Variants in TYW1 observed in about 807,000 individuals in gnomAD.
TYW1 encodes the protein S-adenosyl-L-methionine-dependent tRNA 4-demethylwyosine synthase TYW1.
A neutral mutation model predicts 96.2 loss-of-function variants in TYW1; 46 were observed. The observed-to-expected ratio is 0.48, with a 90% confidence interval of 0.38 to 0.61. TYW1 has a LOEUF of 0.61. Ranked by LOEUF, TYW1 falls within the 20% of genes least tolerant of loss-of-function variation. The pLI is 0.00. For synonymous variants in TYW1, 274 were observed against 323.0 expected, an observed-to-expected ratio of 0.85 and a Z score of 1.63; for missense variants, 684 against 909.6, an observed-to-expected ratio of 0.75 and a Z score of 3.19.
rs114867026 is a variant in TYW1 at position 67,009,526 on chromosome 7, G to A, written c.274-57G>A. 819 of 1,497,024 alleles carry A rather than the reference G, an allele frequency of 5.5e-4. 4 individuals carry two copies. The African/African-American group carries it at 0.01, about 19-fold the overall frequency. The allele number at this position is 1,497,024 out of a possible 1,614,324, so 92.7% of individuals were successfully genotyped here. A position where few individuals can be genotyped will look rare whatever the true frequency, so the allele number is the denominator to read the frequency against. On this transcript the variant is annotated intron_variant, in intron 3 of 15. Transcript: ENST00000359626. ...ACATTCTTGTGCCAACAGGGGTAAT[G>A]AGGGTTATATTTGGCTCATTGAAGA...
intron 7 of TYW1, among the ~76,000 whole-genome samples, chr7:67,034,668 A>G (rs772562409): frequency 5.1e-4 from 78 of 152,238 alleles, no homozygotes; most frequent in Non-Finnish European, 8.5e-4. Flanking sequence ...TGGTCCTGTC[A>G]TATTAGATGA....
chr7:67,058,203 A>G (rs1321146338), intron 9 of TYW1, among the ~76,000 whole-genome samples: 7 of 152,130 alleles, frequency 4.6e-5, no homozygotes, highest in Admixed American at 4.6e-4. Context: ...CAAAGTGCTG[A>G]GGTTACAGGC....
At chr7:67,077,625 G>A (rs1365038507) in intron 10 of TYW1, among the ~76,000 whole-genome samples, 2 of 152,002 alleles carry the variant, frequency 1.3e-5, no homozygotes, top group Non-Finnish European at 2.9e-5. Flanking sequence ...TGAATTTTTT[G>A]TATATTCTGG....
chr7:67,170,395 AT>A (rs1799480417), intron 13 of TYW1, among the ~76,000 whole-genome samples: 1 of 152,130 alleles, frequency 6.6e-6, no homozygotes, highest in South Asian at 2.1e-4. Context: ...TTTTCAAATT[AT>A]TTTGGGTCTT....
At chr7:67,185,128 T>G (rs1584668853) in intron 14 of TYW1, among the ~76,000 whole-genome samples, 1 of 152,146 alleles carries the variant, frequency 6.6e-6, no homozygotes, top group South Asian at 2.1e-4. Flanking sequence ...GTGGCTGAGG[T>G]TGGCAGCGGC....
chr7:67,160,725 A>G (rs58189821), intron 13 of TYW1, among the ~76,000 whole-genome samples: 40,245 of 147,878 alleles, frequency 0.27, 5,998 homozygotes, highest in African/African-American at 0.39. Flanking sequence ...CTGTGTAGCT[A>G]GGATTATAGG....
At chr7:67,180,454 A>G (rs1484877863) in intron 13 of TYW1, among the ~76,000 whole-genome samples, 2 of 144,474 alleles carry the variant, frequency 1.4e-5, no homozygotes, top group African/African-American at 2.5e-5. Context: ...GCCTAATCTC[A>G]TTTTTAGTTG....
chr7:67,207,137 A>G (rs1800827419), intron 15 of TYW1, among the ~76,000 whole-genome samples: 1 of 152,232 alleles, frequency 6.6e-6, no homozygotes. Context: ...TACTTCTGTC[A>G]GATCTGTATG....
chr7:67,135,930 C>G (rs1481127837), intron 13 of TYW1, among the ~76,000 whole-genome samples: 2 of 152,188 alleles, frequency 1.3e-5, no homozygotes, highest in African/African-American at 4.8e-5. Flanking sequence ...GCTCTAATAG[C>G]TAACATCTGT....
intron 10 of TYW1, among the ~76,000 whole-genome samples, chr7:67,078,918 T>G (rs1352291035): frequency 6.6e-6 from 1 of 152,030 alleles, no homozygotes; most frequent in Admixed American, 6.6e-5. Context: ...ATGGTCTCGA[T>G]CTCCTGAATT....
intron 14 of TYW1, among the ~76,000 whole-genome samples, chr7:67,183,459 T>TA (rs1423253091): frequency 4.6e-5 from 7 of 152,124 alleles, no homozygotes; most frequent in Non-Finnish European, 1.0e-4. Flanking sequence ...AAGCTAGTAT[T>TA]TTAGTGGGAG....
chr7:67,152,862 A>G (rs945057407), intron 13 of TYW1, among the ~76,000 whole-genome samples: 3 of 152,062 alleles, frequency 2.0e-5, no homozygotes, highest in Non-Finnish European at 2.9e-5. Context: ...GGGCCTCCCA[A>G]AGTGCTGGGA....
intron 15 of TYW1, among the ~76,000 whole-genome samples, chr7:67,200,488 C>T (rs867068411): frequency 3.3e-5 from 5 of 151,816 alleles, no homozygotes; most frequent in East Asian, 1.9e-4. Flanking sequence ...ATAAAACCAT[C>T]GGATCTCATG....
chr7:67,151,680 C>T (rs548221735), intron 13 of TYW1, among the ~76,000 whole-genome samples: 2 of 152,304 alleles, frequency 1.3e-5, no homozygotes, highest in South Asian at 4.1e-4. Flanking sequence ...GTAGTTCTTT[C>T]TCAACAGAAA....
chr7:67,189,002 G>A (rs1177386616), intron 14 of TYW1, among the ~76,000 whole-genome samples: 1 of 152,234 alleles, frequency 6.6e-6, no homozygotes, highest in African/African-American at 2.4e-5. Flanking sequence ...TCTAAATCCA[G>A]TGTGAGGAAG....
At chr7:67,115,833 A>G (rs192239623) in intron 12 of TYW1, among the ~76,000 whole-genome samples, 1 of 152,244 alleles carries the variant, frequency 6.6e-6, no homozygotes, top group Non-Finnish European at 1.5e-5. Flanking sequence ...TTAAAAATGC[A>G]TGGACTTTGA....
intron 9 of TYW1, among the ~76,000 whole-genome samples, chr7:67,066,941 C>T (rs951820973): frequency 6.6e-6 from 1 of 152,174 alleles, no homozygotes; most frequent in African/African-American, 2.4e-5. Context: ...CAGACAGCCC[C>T]CATTTTTTAG....
intron 13 of TYW1, among the ~76,000 whole-genome samples, chr7:67,123,110 T>G (rs1797809516): frequency 6.6e-6 from 1 of 152,204 alleles, no homozygotes; most frequent in African/African-American, 2.4e-5. Context: ...GTTTCCCTTC[T>G]TATTGACCTA....
Position 66,998,799 on chromosome 7 carries a change from T to C in TYW1, c.136-18T>C. The C allele has an allele frequency of 6.2e-7, 1 of 1,613,068 alleles. No individual in the cohort carries two copies. Among genetic ancestry groups the C allele is most frequent in the African/African-American group, 1.3e-5 (1 of 74,928 alleles). On this transcript the variant is annotated intron_variant, in intron 2 of 15. Coordinates refer to ENST00000359626, the MANE Select transcript of TYW1 (RefSeq NM_018264.4). ...CGATTTAGACTTGATGGATTTTGTG[T>C]AATTATTTGTCTTCAAGGGCAAGAA...
Sources: allele counts gnomAD v4.1 joint callset (sites outside exome capture counted in the v4.1 genomes callset), GRCh38; gene constraint gnomAD v4.1.1; transcripts MANE v1.5; gene names NCBI Gene and HGNC (gene_info 2026-07-23, HGNC 2026-07-21).